UNC79: variants seen among roughly 807,000 people sequenced by gnomAD.
The protein encoded by UNC79 is unc-79 subunit of NALCN channel complex.
UNC79 carries 37 observed loss-of-function variants against 283.1 expected under a neutral mutation model. That is an observed-to-expected ratio of 0.13 (90% CI 0.10 to 0.17). UNC79 has a LOEUF of 0.17. Among genes scored for constraint, UNC79 ranks in the 10% least tolerant of loss-of-function variants. The pLI is 1.00. For missense variants in UNC79, 2,272 were observed against 3,211.1 expected (o/e 0.71, Z 7.07); for synonymous variants, 1,107 against 1,200.2 (o/e 0.92, Z 1.61).
At chr14:93,362,729 C>T (rs1426925690) in intron 1 of UNC79, among the ~76,000 whole-genome samples, 1 of 152,090 alleles carries the variant, frequency 6.6e-6, no homozygotes, top group Admixed American at 6.6e-5. Flanking sequence ...TTGTCTGTTT[C>T]CAGGAATTTA....
At chr14:93,566,165 C>T (rs954660519) in intron 14 of UNC79, among the ~76,000 whole-genome samples, 1 of 152,130 alleles carries the variant, frequency 6.6e-6, no homozygotes. Flanking sequence ...ACAAGCCTCC[C>T]GCTTGGGAGA....
intron 1 of UNC79, among the ~76,000 whole-genome samples, chr14:93,405,054 G>A (rs1318833803): frequency 7.9e-5 from 12 of 152,112 alleles, no homozygotes; most frequent in Non-Finnish European, 1.2e-4. Context: ...AGGCCGAGGC[G>A]GATGGATCAC....
At chr14:93,664,028 C>T (rs1330272165) in intron 40 of UNC79, among the ~76,000 whole-genome samples, 1 of 152,132 alleles carries the variant, frequency 6.6e-6, no homozygotes, top group Non-Finnish European at 1.5e-5. Flanking sequence ...CATAATCCCT[C>T]ATAACTTTAG....
At chr14:93,551,988 G>A (rs1459288477) in intron 14 of UNC79, among the ~76,000 whole-genome samples, 2 of 152,218 alleles carry the variant, frequency 1.3e-5, no homozygotes, top group African/African-American at 2.4e-5. Flanking sequence ...GATGGTATGG[G>A]TTGGAATCCT....
chr14:93,631,043 G>A (rs950070921), intron 31 of UNC79, 135 bp downstream of exon 33: 1 of 811,902 alleles, frequency 1.2e-6, no homozygotes, highest in African/African-American at 1.7e-5. Context: ...GTGATAGTAT[G>A]TTGTATATTC....
At chr14:93,354,140 A>T (rs1012496691) in intron 1 of UNC79, among the ~76,000 whole-genome samples, 1 of 152,208 alleles carries the variant, frequency 6.6e-6, no homozygotes, top group African/African-American at 2.4e-5. Flanking sequence ...GGGGGCCAAT[A>T]TCTTTAACAT....
chr14:93,333,198 G>C (rs1466517622), upstream of UNC79: 1 of 397,874 alleles, frequency 2.5e-6, no homozygotes, highest in Non-Finnish European at 4.4e-6. Context: ...TGGATCCATG[G>C]GAGCGGAGTG....
intron 22 of UNC79, 107 bp downstream of exon 22, chr14:93,587,015 C>CT (rs2064268276): frequency 4.6e-5 from 63 of 1,376,542 alleles, no homozygotes; most frequent in Non-Finnish European, 5.9e-5. Context: ...TTTTTTGAGC[C>CT]AGGACAGCTC....
intron 1 of UNC79, among the ~76,000 whole-genome samples, chr14:93,340,912 G>A (rs1566878729): frequency 1.3e-5 from 2 of 152,074 alleles, no homozygotes; most frequent in Non-Finnish European, 2.9e-5. Context: ...ACGTAAGGAC[G>A]CAGCTTCAGG....
intron 42 of UNC79, 112 bp downstream of exon 45, chr14:93,682,806 GTGACTTT>G: frequency 4.2e-6 from 4 of 957,056 alleles, no homozygotes; most frequent in Non-Finnish European, 6.3e-6. Context: ...TACTAGCTAT[GTGACTTT>G]TGGAACGTAT....
At chr14:93,618,339 A>G in exon 29 of UNC79, 3 of 1,611,728 alleles carry the variant, frequency 1.9e-6, no homozygotes, top group Non-Finnish European at 2.5e-6. Flanking sequence ...AAGCAGATAC[A>G]GCGAAAAAGA....
In UNC79 at chr14:93,493,359, G is replaced by A. The variant is rs190719244; in HGVS notation, c.713-3052G>A. Among the ~76,000 whole-genome samples, 388 of 152,264 alleles carry A rather than the reference G, an allele frequency of 2.5e-3. 4 individuals carry two copies. Among genetic ancestry groups the A allele is most frequent in the Non-Finnish European group, 4.0e-3 (269 of 68,014 alleles). On this transcript the variant is annotated intron_variant, in intron 5 of 48. Transcript: ENST00000555664. Reference sequence around the variant, plus strand: ...GCAGGGTGTTGTGAGCTATGTTAGGGAGGCCTGCGTTTATTCCAAATCTGA... The same window carrying A: ...GCAGGGTGTTGTGAGCTATGTTAGGAAGGCCTGCGTTTATTCCAAATCTGA...
intron 1 of UNC79, among the ~76,000 whole-genome samples, chr14:93,456,985 C>A (rs1424485607): frequency 6.6e-6 from 1 of 152,130 alleles, no homozygotes; most frequent in African/African-American, 2.4e-5. Flanking sequence ...TTGGGGGATT[C>A]TGGAGGAAAG....
At chr14:93,693,633 A>G (rs1225659345) in intron 46 of UNC79, among the ~76,000 whole-genome samples, 1 of 152,196 alleles carries the variant, frequency 6.6e-6, no homozygotes, top group Non-Finnish European at 1.5e-5. Flanking sequence ...TGTCCCACGG[A>G]GAATAAAGCC....
exon 17 of UNC79, chr14:93,575,100 A>C (rs1477241516): frequency 1.9e-6 from 3 of 1,613,742 alleles, no homozygotes; most frequent in African/African-American, 2.7e-5. Flanking sequence ...TCAACTACTA[A>C]TAAGTATGTT....
chr14:93,387,261 G>T (rs2054797295), intron 1 of UNC79, among the ~76,000 whole-genome samples: 1 of 151,742 alleles, frequency 6.6e-6, no homozygotes, highest in Admixed American at 6.6e-5. Context: ...GATCTTTATT[G>T]TTTCTTTCTT....
At chr14:93,344,816 G>A (rs1453305568) in intron 1 of UNC79, among the ~76,000 whole-genome samples, 2 of 152,216 alleles carry the variant, frequency 1.3e-5, no homozygotes, top group Non-Finnish European at 1.5e-5. Flanking sequence ...CTGAGAACAA[G>A]GAGATGAGGT....
At chr14:93,530,052 G>A (rs1254663432) in intron 10 of UNC79, among the ~76,000 whole-genome samples, 2 of 152,080 alleles carry the variant, frequency 1.3e-5, no homozygotes, top group East Asian at 1.9e-4. Flanking sequence ...AGTAGAGATC[G>A]GGGCACAGGA....
chr14:93,454,656 A>G (rs546614731), intron 1 of UNC79, among the ~76,000 whole-genome samples: 2 of 152,286 alleles, frequency 1.3e-5, no homozygotes, highest in South Asian at 4.1e-4. Context: ...CATATAGTAA[A>G]CATTCAGAAT....
Sources: gnomAD v4.1 joint callset for allele counts (sites outside exome capture counted in the v4.1 genomes callset) on GRCh38, gnomAD v4.1.1 for gene constraint, MANE v1.5 for transcripts, NCBI Gene and HGNC (gene_info 2026-07-23, HGNC 2026-07-21) for gene names.